Variants in DCC observed in about 807,000 individuals in gnomAD.
DCC encodes the protein DCC netrin 1 receptor, also known as netrin receptor DCC.
Under a neutral mutation model 172.5 loss-of-function variants are expected in DCC, and 58 were observed. The observed-to-expected ratio is 0.34, with a 90% CI of 0.27 to 0.42. The LOEUF (loss-of-function observed/expected upper bound fraction) is 0.42. Among genes scored for constraint, DCC ranks in the 10% least tolerant of loss-of-function variants. The pLI, the probability that DCC is intolerant of heterozygous loss-of-function variation, is 1.00. For synonymous variants in DCC, 709 were observed against 644.5 expected (o/e 1.10, Z -1.52); for missense variants, 1,740 against 1,791.0 (o/e 0.97, Z 0.51).
At chr18:53,401,693 C>A (rs906512541) in intron 18 of DCC, among the ~76,000 whole-genome samples, 5 of 152,086 alleles carry the variant, frequency 3.3e-5, no homozygotes, top group African/African-American at 1.2e-4. Flanking sequence ...AAACACGGAA[C>A]CCAATACGTT....
At chr18:53,430,605 A>G (rs952826154) in intron 21 of DCC, among the ~76,000 whole-genome samples, 1 of 152,170 alleles carries the variant, frequency 6.6e-6, no homozygotes, top group Non-Finnish European at 1.5e-5. Context: ...ATGTTATTTC[A>G]TTTTATACGT....
At chr18:52,914,202 T>TA (rs34965181) in intron 3 of DCC, among the ~76,000 whole-genome samples, 70,419 of 150,126 alleles carry the variant, frequency 0.47, 16,786 homozygotes, top group East Asian at 0.54. Context: ...GCTGCAAAAT[T>TA]AAAAAAAAAA....
intron 1 of DCC, among the ~76,000 whole-genome samples, chr18:52,732,652 T>A (rs1026106530): frequency 1.3e-5 from 2 of 152,152 alleles, no homozygotes; most frequent in Non-Finnish European, 2.9e-5. Context: ...ACCTCTGATA[T>A]AGAGAAATAA....
intron 5 of DCC, among the ~76,000 whole-genome samples, chr18:52,962,848 C>T (rs147180800): frequency 0.023 from 3,480 of 150,806 alleles, 110 homozygotes; most frequent in African/African-American, 0.078. Context: ...AGCAAACTAT[C>T]GCAAGGACAA....
intron 1 of DCC, among the ~76,000 whole-genome samples, chr18:52,751,374 G>A (rs966215081): frequency 1.3e-5 from 2 of 152,060 alleles, no homozygotes; most frequent in Non-Finnish European, 2.9e-5. Flanking sequence ...GATTCTTTAT[G>A]TTCATTTACG....
chr18:53,015,707 C>T (rs1005550439), intron 5 of DCC, among the ~76,000 whole-genome samples: 1 of 152,002 alleles, frequency 6.6e-6, no homozygotes, highest in African/African-American at 2.4e-5. Flanking sequence ...GATCGATAGA[C>T]TTACTTTACC....
chr18:53,351,333 CAGTG>C (rs1447481135), intron 15 of DCC, among the ~76,000 whole-genome samples: 1 of 21,314 alleles, frequency 4.7e-5, no homozygotes, highest in African/African-American at 1.9e-4. Context: ...TATATATATA[CAGTG>C]TATATATATA....
chr18:52,839,679 A>T (rs2038770943), intron 2 of DCC, among the ~76,000 whole-genome samples: 1 of 152,178 alleles, frequency 6.6e-6, no homozygotes, highest in Non-Finnish European at 1.5e-5. Flanking sequence ...CTAAGAGCAA[A>T]ATTTAACACA....
chr18:52,774,921 C>G (rs1170818858), intron 2 of DCC, among the ~76,000 whole-genome samples: 1 of 152,152 alleles, frequency 6.6e-6, no homozygotes, highest in African/African-American at 2.4e-5. Context: ...AAACTCTTTA[C>G]ATTGTAAAGA....
intron 1 of DCC, among the ~76,000 whole-genome samples, chr18:52,676,366 A>G (rs1954367534): frequency 6.6e-6 from 1 of 152,200 alleles, no homozygotes; most frequent in Admixed American, 6.5e-5. Context: ...GTCTACCACT[A>G]TTTTTAGGAT....
At chr18:52,875,610 C>T (rs1313894538) in intron 2 of DCC, among the ~76,000 whole-genome samples, 1 of 152,168 alleles carries the variant, frequency 6.6e-6, no homozygotes, top group African/African-American at 2.4e-5. Flanking sequence ...GTTATTGGTG[C>T]TGAAGGCGAC....
At chr18:53,297,312 C>T (rs1480146285) in intron 12 of DCC, among the ~76,000 whole-genome samples, 1 of 152,122 alleles carries the variant, frequency 6.6e-6, no homozygotes, top group African/African-American at 2.4e-5. Flanking sequence ...TAACTCTTTT[C>T]CATCAGGTTT....
chr18:52,617,078 T>G (rs761226852), intron 1 of DCC, among the ~76,000 whole-genome samples: 1 of 152,144 alleles, frequency 6.6e-6, no homozygotes, highest in Non-Finnish European at 1.5e-5. Flanking sequence ...ATGGTCAAAG[T>G]ATTATCCGAC....
Position 53,416,172 on chromosome 18 carries a change from C to G in DCC, c.3163+16C>G. 1 of 1,592,186 alleles carries G rather than the reference C, an allele frequency of 6.3e-7. No homozygotes were observed. Among genetic ancestry groups the G allele is most frequent in the Non-Finnish European group, 8.6e-7 (1 of 1,160,134 alleles). On this transcript the variant is annotated intron_variant, in intron 21 of 28. Transcript: ENST00000442544. Reference sequence around the variant, plus strand: ...AATGACCAAGGTATGGTGGCTCAATCTGTCATTTTGTGTTCCTTGAATCAA... The same window carrying G: ...AATGACCAAGGTATGGTGGCTCAATGTGTCATTTTGTGTTCCTTGAATCAA...
chr18:53,131,277 G>C (rs765301808), intron 7 of DCC, among the ~76,000 whole-genome samples: 39 of 151,774 alleles, frequency 2.6e-4, no homozygotes, highest in Non-Finnish European at 5.2e-4. Flanking sequence ...TCTCAAGAAG[G>C]GCTTTGAAAA....
At chr18:52,573,250 T>TA (rs1378283160) in intron 1 of DCC, among the ~76,000 whole-genome samples, 4 of 151,916 alleles carry the variant, frequency 2.6e-5, no homozygotes, top group South Asian at 2.1e-4. Context: ...AACATAAATT[T>TA]AAAAAAAATA....
At chr18:53,481,711 G>A (rs1021847032) in intron 25 of DCC, among the ~76,000 whole-genome samples, 3 of 152,060 alleles carry the variant, frequency 2.0e-5, no homozygotes, top group African/African-American at 7.2e-5. Flanking sequence ...TCTAGGGAGG[G>A]TTTTATTATT....
chr18:52,363,642 G>A (rs1250465238), intron 1 of DCC, among the ~76,000 whole-genome samples: 5 of 152,172 alleles, frequency 3.3e-5, no homozygotes, highest in African/African-American at 9.7e-5. Context: ...AGAGAACTAG[G>A]CTCTACTGGT....
At chr18:53,402,951 C>T (rs1355178063) in intron 19 of DCC, 58 bp downstream of exon 19, 1 of 1,234,720 alleles carries the variant, frequency 8.1e-7, no homozygotes, top group Non-Finnish European at 1.2e-6. Flanking sequence ...AATTGCTTAC[C>T]CCCTACATGA....
Sources: allele counts gnomAD v4.1 joint callset (sites outside exome capture counted in the v4.1 genomes callset), GRCh38; gene constraint gnomAD v4.1.1; transcripts MANE v1.5; gene names NCBI Gene and HGNC (gene_info 2026-07-23, HGNC 2026-07-21).